Variants in NID1 observed in about 807,000 individuals in gnomAD.
NID1 encodes the protein nidogen-1.
NID1 carries 76 observed loss-of-function variants against 130.6 expected under a neutral mutation model. That is an observed-to-expected ratio of 0.58 (90% confidence interval 0.48 to 0.70). NID1 has a LOEUF of 0.70. Ranked by LOEUF, NID1 falls within the 30% of genes least tolerant of loss-of-function variation. The pLI, the probability that NID1 is intolerant of heterozygous loss-of-function variation, is 0.00. For synonymous variants in NID1, 665 were observed against 675.1 expected, an observed-to-expected ratio of 0.98 and a Z score of 0.23; for missense variants, 1,517 against 1,664.8, an observed-to-expected ratio of 0.91 and a Z score of 1.54.
intron 5 of NID1, among the ~76,000 whole-genome samples, chr1:236,034,422 C>CAAAAAAA (rs144657585): frequency 3.2e-5 from 3 of 92,632 alleles, no homozygotes; most frequent in Non-Finnish European, 6.7e-5. Flanking sequence ...AACTCCATCT[C>CAAAAAAA]AAAAAAAAAA....
chr1:236,047,536 G>T (rs1235576965), intron 2 of NID1, among the ~76,000 whole-genome samples: 2 of 152,026 alleles, frequency 1.3e-5, no homozygotes, highest in Non-Finnish European at 2.9e-5. Flanking sequence ...GGTCCTTCCA[G>T]CCGTCCCTGA....
At chr1:236,003,049 T>C (rs1458602440) in intron 12 of NID1, among the ~76,000 whole-genome samples, 1 of 151,314 alleles carries the variant, frequency 6.6e-6, no homozygotes, top group Non-Finnish European at 1.5e-5. Flanking sequence ...TGCTGCTAGT[T>C]ATCACTGGTT....
intron 8 of NID1, among the ~76,000 whole-genome samples, chr1:236,024,470 A>C (rs1269593693): frequency 2.0e-5 from 3 of 152,256 alleles, no homozygotes; most frequent in Non-Finnish European, 2.9e-5. Context: ...CATTTGTGCT[A>C]CCACGGCAGA....
At chr1:236,038,769 ATATATATTACCTATGCTATATAGGT>A (rs1346471722) in intron 4 of NID1, among the ~76,000 whole-genome samples, 18 of 123,576 alleles carry the variant, frequency 1.5e-4, no homozygotes, top group African/African-American at 5.4e-4. Context: ...GTCATATATA[ATATATATTACCTATGCTATATAGGT>A]CATATATAAT....
chr1:236,051,036 T>C (rs1279002726), intron 1 of NID1, among the ~76,000 whole-genome samples: 1 of 151,870 alleles, frequency 6.6e-6, no homozygotes, highest in Admixed American at 6.6e-5. Flanking sequence ...TGAGCCGAGA[T>C]TGCACTGATG....
Position 235,980,001 on chromosome 1 carries a change from G to GA in NID1, c.3386-57_3386-56insT. ...TTCACACAAGAAATGGCCCCTTTGT[G>GA]CAAAAAAAACAAGAGTAATGAGGGC... On this transcript the variant is annotated intron_variant, in intron 17 of 19. Coordinates refer to ENST00000264187, the MANE Select transcript of NID1 (RefSeq NM_002508.3). The GA allele has an allele frequency of 5.8e-6, 9 of 1,558,942 alleles. No homozygotes were observed. In the Admixed American group the frequency reaches 7.2e-5, roughly 12 times the overall value.
chr1:236,025,100 C>T (rs112972960), intron 8 of NID1, among the ~76,000 whole-genome samples: 1 of 151,146 alleles, frequency 6.6e-6, no homozygotes, highest in South Asian at 2.1e-4. Context: ...TACAGCCACA[C>T]ACCACCACAC....
chr1:236,002,097 CTGG>C (rs1658092398), intron 12 of NID1, among the ~76,000 whole-genome samples: 2 of 152,234 alleles, frequency 1.3e-5, no homozygotes, highest in Non-Finnish European at 2.9e-5. Context: ...GATGAGGGCC[CTGG>C]TCAGTGGCAC....
chr1:236,040,532 G>A (rs1659419795), intron 4 of NID1, among the ~76,000 whole-genome samples: 1 of 152,134 alleles, frequency 6.6e-6, no homozygotes, highest in African/African-American at 2.4e-5. Flanking sequence ...TCATTCCTTA[G>A]TAGAAAAGCA....
At chr1:235,997,865 C>A (rs1657972931) in intron 12 of NID1, among the ~76,000 whole-genome samples, 1 of 152,104 alleles carries the variant, frequency 6.6e-6, no homozygotes, top group South Asian at 2.1e-4. Flanking sequence ...ACCTCGGCCT[C>A]CCAAAGTGCT....
intron 9 of NID1, among the ~76,000 whole-genome samples, chr1:236,020,053 A>AAC (rs1553345404): frequency 7.3e-6 from 1 of 137,766 alleles, no homozygotes; most frequent in Non-Finnish European, 1.5e-5. Context: ...AAAAAAAAAA[A>AAC]AAAAACAAAA....
chr1:235,988,764 A>G (rs1001555180), intron 14 of NID1, among the ~76,000 whole-genome samples: 4 of 152,198 alleles, frequency 2.6e-5, no homozygotes, highest in African/African-American at 9.7e-5. Flanking sequence ...TATGCCAGAC[A>G]CGAATGACAA....
At chr1:235,998,822 T>C (rs1468689367) in intron 12 of NID1, among the ~76,000 whole-genome samples, 1 of 152,218 alleles carries the variant, frequency 6.6e-6, no homozygotes, top group African/African-American at 2.4e-5. Flanking sequence ...TGCAATCCTA[T>C]GTGATAAGCA....
intron 13 of NID1, among the ~76,000 whole-genome samples, chr1:235,993,299 CAG>C (rs1360165131): frequency 6.6e-6 from 1 of 152,214 alleles, no homozygotes; most frequent in South Asian, 2.1e-4. Flanking sequence ...CCTCCCTTGG[CAG>C]AGAGTTCTTC....
chr1:236,003,159 C>G (rs111795797), intron 12 of NID1, among the ~76,000 whole-genome samples: 1,642 of 92,806 alleles, frequency 0.018, 175 homozygotes, highest in South Asian at 0.053. Context: ...TAGTGAACGA[C>G]TGGTAGTTGT....
intron 14 of NID1, among the ~76,000 whole-genome samples, chr1:235,989,069 CT>C (rs768952072): frequency 0.08 from 9,269 of 115,702 alleles, 296 homozygotes; most frequent in African/African-American, 0.25. Context: ...AAATTATCTG[CT>C]TTTTTTTTTT....
chr1:235,979,042 T>C lies in NID1; in HGVS notation c.3575A>G (p.Gln1192Arg), dbSNP rs759882933. ...KETDAFQPHK[Q>R]TRLYGITTAL... ...CGTGGTGATGCCATACAGCCGGGTC[T>C]GCTTGTGGGGTTGGAAAGCATCCGT... is the stretch of plus-strand genomic sequence containing the variant. The change falls in exon 19 of 20, where the codon CAG becomes CGG. Residue 1192 changes from glutamine (Q) to arginine (R), a missense_variant. Physicochemically the swap from Gln to Arg is conservative, Grantham distance 43 (BLOSUM62 1). Around this residue, in one of 3 missense-constraint regions of NID1, gnomAD observed 181 missense variants for 211.3 expected, o/e 0.86. Coordinates refer to ENST00000264187, the MANE Select transcript of NID1 (RefSeq NM_002508.3). The surrounding 1 kb of genome is among the most constrained non-coding windows in gnomAD (Gnocchi z 4.6). 3.7e-6 allele frequency: 6 copies of C among 1,614,108 alleles called. No homozygotes were observed. The South Asian group carries it at 6.6e-5, about 18-fold the overall frequency.
Position 235,991,015 on chromosome 1 carries a change from C to T in NID1, c.2799G>A (p.Val933=), listed in dbSNP as rs745412828. 1.4e-5 allele frequency: 22 copies of T among 1,610,810 alleles called. No individual in the cohort carries two copies. The highest frequency in any genetic ancestry group is 6.7e-5 in the Admixed American group (4 of 59,432). ...GAGGCAAGGGGATCACGGCGGTAGG[C>T]ACCGCAGGTCCTTGGTGAATCGGGG... is the stretch of plus-strand genomic sequence containing the variant. ...VAPPIHQGPA[V]PTAVIPLPPG... Residue 933 remains valine, a synonymous_variant, in exon 14 of 20, where the codon GTG becomes GTA. Transcript: ENST00000264187.
At position 236,064,881 on chromosome 1, in the gene NID1, C is replaced by T. The variant is rs377406550; in HGVS notation, c.199G>A (p.Asp67Asn). 9.9e-6 allele frequency: 16 copies of T among 1,612,194 alleles called. No homozygotes were observed. The highest frequency in any genetic ancestry group is 2.2e-5 in the East Asian group (1 of 44,822). Residue 67 changes from aspartate (D) to asparagine (N), a missense_variant, in exon 1 of 20, where the codon GAC becomes AAC. Asp to Asn is a conservative substitution (Grantham distance 23). Coordinates refer to ENST00000264187, the MANE Select transcript of NID1 (RefSeq NM_002508.3). ...LELSGALRFY[D>N]RSDIDAVYVT... ...TAGACTGCGTCGATGTCGGATCTGT[C>T]GTAGAAGCGGAGCGCCCCACTCAGC...
Sources: allele counts gnomAD v4.1 joint callset (sites outside exome capture counted in the v4.1 genomes callset), GRCh38; gene constraint gnomAD v4.1.1; regional missense constraint gnomAD v4.1.1; non-coding constraint Gnocchi (gnomAD v3.1); transcripts MANE v1.5; gene names NCBI Gene and HGNC (gene_info 2026-07-23, HGNC 2026-07-21).